WDPCP: variants seen among roughly 807,000 people sequenced by gnomAD.
WDPCP encodes WD repeat containing planar cell polarity effector.
WDPCP carries 71 observed loss-of-function variants against 93.1 expected under a neutral mutation model. The ratio of observed to expected loss-of-function variants is 0.76; its 90% CI spans 0.63 to 0.93. The LOEUF is 0.93. Ranked by LOEUF, WDPCP falls within the 40% of genes least tolerant of loss-of-function variation. WDPCP has a pLI of 0.00. For synonymous variants in WDPCP, 315 were observed against 315.0 expected, an observed-to-expected ratio of 1.00 and a Z score of 0.00; for missense variants, 844 against 887.4, an observed-to-expected ratio of 0.95 and a Z score of 0.62.
intron 2 of WDPCP, among the ~76,000 whole-genome samples, chr2:63,671,283 C>T (rs1710344331): frequency 1.3e-5 from 2 of 152,300 alleles, no homozygotes; most frequent in Admixed American, 6.5e-5. Context: ...CCACAGGCTG[C>T]TCCTAGCCAA....
chr2:63,172,999 T>C (rs1377299286), intron 15 of WDPCP, among the ~76,000 whole-genome samples: 4 of 152,080 alleles, frequency 2.6e-5, no homozygotes, highest in Non-Finnish European at 5.9e-5. Context: ...TGGTTGCTCA[T>C]GCCTGTAATC....
chr2:63,625,511 G>A (rs564497937), intron 3 of WDPCP, among the ~76,000 whole-genome samples: 111 of 152,160 alleles, frequency 7.3e-4, no homozygotes, highest in Non-Finnish European at 6.8e-4. Flanking sequence ...TGCAAAAATC[G>A]CAAGCATTCT....
intron 3 of WDPCP, among the ~76,000 whole-genome samples, chr2:63,600,914 C>T (rs1046387910): frequency 6.6e-6 from 1 of 152,302 alleles, no homozygotes; most frequent in Non-Finnish European, 1.5e-5. Flanking sequence ...AAGAAAGTTC[C>T]TACAACAATG....
intron 14 of WDPCP, among the ~76,000 whole-genome samples, chr2:63,256,945 G>A (rs1204584142): frequency 1.3e-5 from 2 of 152,120 alleles, no homozygotes; most frequent in Admixed American, 6.6e-5. Context: ...GTATAGGAAG[G>A]CTTCTGGGGT....
intron 17 of WDPCP, among the ~76,000 whole-genome samples, chr2:63,139,606 T>G (rs1670909243): frequency 6.6e-6 from 1 of 152,222 alleles, no homozygotes; most frequent in Admixed American, 6.5e-5. Flanking sequence ...TTGTTGGCCA[T>G]TTGTATATGT....
At chr2:63,621,274 C>A (rs1324481022) in intron 3 of WDPCP, among the ~76,000 whole-genome samples, 1 of 151,804 alleles carries the variant, frequency 6.6e-6, no homozygotes. Flanking sequence ...AGCTAAGAAC[C>A]TTGAAAAAAG....
chr2:63,122,112 A>C, intron 17 of WDPCP, 56 bp from the exon 18 acceptor site: 1 of 1,361,634 alleles, frequency 7.3e-7, no homozygotes, highest in Non-Finnish European at 1.0e-6. Context: ...AATTGACTTA[A>C]CATTTGTATC....
intron 14 of WDPCP, among the ~76,000 whole-genome samples, chr2:63,215,123 C>G (rs1191930240): frequency 1.3e-5 from 2 of 152,164 alleles, no homozygotes; most frequent in Admixed American, 6.5e-5. Flanking sequence ...GAAAAAACTA[C>G]TTTAAAGTTC....
chr2:63,130,097 C>A (rs1314144045), intron 17 of WDPCP, among the ~76,000 whole-genome samples: 2 of 152,062 alleles, frequency 1.3e-5, no homozygotes, highest in African/African-American at 4.8e-5. Context: ...CTTTGATGGA[C>A]AAACAATAAT....
intron 2 of WDPCP, among the ~76,000 whole-genome samples, chr2:63,683,180 G>A (rs562627178): frequency 8.0e-4 from 122 of 152,154 alleles, no homozygotes; most frequent in African/African-American, 2.9e-3. Flanking sequence ...GGGAAAAAAG[G>A]ATGAGAAGAC....
intron 12 of WDPCP, among the ~76,000 whole-genome samples, chr2:63,321,774 T>TA (rs1687114328): frequency 6.6e-6 from 1 of 152,192 alleles, no homozygotes; most frequent in Non-Finnish European, 1.5e-5. Flanking sequence ...CTTTACTTTT[T>TA]AAAAAATTGT....
At chr2:63,621,715 C>A (rs920796631) in intron 3 of WDPCP, among the ~76,000 whole-genome samples, 1 of 152,074 alleles carries the variant, frequency 6.6e-6, no homozygotes, top group Non-Finnish European at 1.5e-5. Flanking sequence ...CCCCAAGACA[C>A]ATAATCATCA....
intron 3 of WDPCP, among the ~76,000 whole-genome samples, chr2:63,625,174 T>C (rs1380386561): frequency 1.3e-5 from 2 of 152,246 alleles, no homozygotes; most frequent in Non-Finnish European, 2.9e-5. Context: ...TGATGGAATG[T>C]ATCTCAAAAT....
chr2:63,535,011 A>T (rs1471828650), intron 1 of WDPCP, among the ~76,000 whole-genome samples: 2 of 152,254 alleles, frequency 1.3e-5, no homozygotes, highest in African/African-American at 4.8e-5. Context: ...ACTTCAACAA[A>T]GTCTCAGGAT....
chr2:63,503,951 A>T (rs1485391903), intron 1 of WDPCP, among the ~76,000 whole-genome samples: 1 of 151,828 alleles, frequency 6.6e-6, no homozygotes, highest in African/African-American at 2.4e-5. Flanking sequence ...AATAGAAAAG[A>T]TAGTGGAAAA....
intron 12 of WDPCP, among the ~76,000 whole-genome samples, chr2:63,349,906 G>A (rs2421885): frequency 0.55 from 83,587 of 151,956 alleles, 23,320 homozygotes; most frequent in Admixed American, 0.63. Flanking sequence ...GAATAGGCTA[G>A]ATTCCAGCCC....
At chr2:63,286,837 T>A (rs1006508920) in intron 13 of WDPCP, among the ~76,000 whole-genome samples, 10 of 152,348 alleles carry the variant, frequency 6.6e-5, no homozygotes, top group African/African-American at 2.4e-4. Flanking sequence ...TGCTTTTTAA[T>A]TTTTTATCAA....
intron 1 of WDPCP, among the ~76,000 whole-genome samples, chr2:63,517,272 T>G (rs1702617513): frequency 6.6e-6 from 1 of 151,900 alleles, no homozygotes; most frequent in African/African-American, 2.4e-5. Flanking sequence ...ATAAAAAGTA[T>G]ATTTTAAATA....
chr2:63,294,337 TA>T (rs1217172610), intron 13 of WDPCP, among the ~76,000 whole-genome samples: 2 of 151,638 alleles, frequency 1.3e-5, no homozygotes, highest in African/African-American at 4.9e-5. Context: ...ACCCCATCTC[TA>T]CTAAAAATAC....
Sources: gnomAD v4.1 joint callset for allele counts (sites outside exome capture counted in the v4.1 genomes callset) on GRCh38, gnomAD v4.1.1 for gene constraint, MANE v1.5 for transcripts, NCBI Gene and HGNC (gene_info 2026-07-23, HGNC 2026-07-21) for gene names.